The following AGBL4 variants were observed in gnomAD, a reference collection of about 807,000 sequenced individuals.
AGBL4 encodes the protein AGBL carboxypeptidase 4.
A neutral mutation model predicts 66.4 loss-of-function variants in AGBL4; 58 were observed. The ratio of observed to expected loss-of-function variants is 0.87; its 90% CI spans 0.71 to 1.09. The LOEUF (loss-of-function observed/expected upper bound fraction) is 1.09, where lower values mean the gene tolerates loss of function less well. Among genes scored for constraint, AGBL4 ranks in the 50% least tolerant of loss-of-function variants. The pLI, the probability that AGBL4 is intolerant of heterozygous loss-of-function variation, is 0.00. For missense variants in AGBL4, 579 were observed against 631.0 expected (o/e 0.92, Z 0.88); for synonymous variants, 234 against 222.9 (o/e 1.05, Z -0.44).
rs542315341 is a variant in AGBL4 at position 49,581,748 on chromosome 1, C to T, written c.282+115565G>A. 2.6e-5 allele frequency among the ~76,000 whole-genome samples: 4 copies of T among 152,192 alleles called. No individual in the cohort carries two copies. In the South Asian group the frequency reaches 8.3e-4, roughly 32 times the overall value. On this transcript the variant is annotated intron_variant, in intron 3 of 13. Transcript: ENST00000371839. ...GTGGTGATGAGCTATTCATGTTTGT[C>T]CTTGTGACCTGGAGCAGTATATGCT...
intron 6 of AGBL4, among the ~76,000 whole-genome samples, chr1:48,731,081 A>ATT (rs1204910464): frequency 6.6e-6 from 1 of 152,132 alleles, no homozygotes; most frequent in Non-Finnish European, 1.5e-5. Flanking sequence ...AGGCTTTTCT[A>ATT]TTTTTTTATA....
chr1:48,870,319 G>A (rs1270378478), intron 5 of AGBL4, among the ~76,000 whole-genome samples: 1 of 152,002 alleles, frequency 6.6e-6, no homozygotes, highest in African/African-American at 2.4e-5. Flanking sequence ...CTCACTAGGA[G>A]AAAGTATCAT....
intron 6 of AGBL4, among the ~76,000 whole-genome samples, chr1:48,663,680 A>G (rs1216641298): frequency 1.3e-5 from 2 of 152,228 alleles, no homozygotes; most frequent in African/African-American, 4.8e-5. Flanking sequence ...TACACATTGC[A>G]TAGTACACAG....
intron 6 of AGBL4, among the ~76,000 whole-genome samples, chr1:48,706,715 C>T (rs1333515623): frequency 6.6e-6 from 1 of 152,096 alleles, no homozygotes; most frequent in African/African-American, 2.4e-5. Context: ...GAGCTAACTC[C>T]ATAAATTTTT....
At chr1:49,550,626 G>A (rs1026632129) in intron 3 of AGBL4, among the ~76,000 whole-genome samples, 3 of 152,086 alleles carry the variant, frequency 2.0e-5, no homozygotes, top group Non-Finnish European at 4.4e-5. Context: ...CTGAAGATAG[G>A]GCCCCAATCC....
At chr1:48,720,533 A>G (rs1647128747) in intron 6 of AGBL4, among the ~76,000 whole-genome samples, 1 of 152,222 alleles carries the variant, frequency 6.6e-6, no homozygotes, top group South Asian at 2.1e-4. Context: ...ACTCAACCTC[A>G]TTAAGTCAGT....
chr1:49,939,001 A>G (rs1384907261), intron 1 of AGBL4, among the ~76,000 whole-genome samples: 2 of 152,108 alleles, frequency 1.3e-5, no homozygotes, highest in East Asian at 1.9e-4. Context: ...AACTTCAGCA[A>G]AGTCTCAGGA....
chr1:49,742,903 A>G (rs1650641893), intron 2 of AGBL4, among the ~76,000 whole-genome samples: 1 of 152,146 alleles, frequency 6.6e-6, no homozygotes, highest in African/African-American at 2.4e-5. Context: ...AAATTAATTC[A>G]AGATGATTAA....
intron 4 of AGBL4, among the ~76,000 whole-genome samples, chr1:49,202,306 C>T (rs1327112539): frequency 1.3e-5 from 2 of 151,968 alleles, no homozygotes; most frequent in Non-Finnish European, 2.9e-5. Flanking sequence ...ATCAAAGAAC[C>T]TCAAATGATC....
At chr1:49,603,929 TACACAC>T (rs60862640) in intron 3 of AGBL4, among the ~76,000 whole-genome samples, 21,680 of 140,386 alleles carry the variant, frequency 0.15, 1,799 homozygotes, top group East Asian at 0.24. Flanking sequence ...TTCCATGGTA[TACACAC>T]ACACACACAC....
At chr1:49,828,194 C>T (rs1225979319) in intron 2 of AGBL4, among the ~76,000 whole-genome samples, 1 of 151,928 alleles carries the variant, frequency 6.6e-6, no homozygotes, top group East Asian at 1.9e-4. Flanking sequence ...TTTCATTCAT[C>T]CATTTAACAA....
rs164825 is a variant in AGBL4, at chr1:49,288,457, G to T, written c.283-42593C>A. Among the ~76,000 whole-genome samples the T allele has an allele frequency of 4.2e-4, 64 of 152,164 alleles. No individual in the cohort carries two copies. The East Asian group carries it at 0.012, about 29-fold the overall frequency. On this transcript the variant is annotated intron_variant, in intron 3 of 13. Coordinates refer to ENST00000371839, the MANE Select transcript of AGBL4 (RefSeq NM_032785.4). ...TGCTGAATCTGGTGAATCTAAGCTT[G>T]GCAAAATAGGGATTGGTTTTCAGGG...
rs748329063 is a variant in AGBL4 at position 48,628,457 on chromosome 1, C to T, written c.951+6036G>A. Among the ~76,000 whole-genome samples the T allele has an allele frequency of 7.9e-5, 12 of 151,740 alleles. No individual in the cohort carries two copies. In the East Asian group the frequency reaches 1.5e-3, roughly 20 times the overall value. Reference sequence around the variant, plus strand: ...TCCTTGCTTTGATTTTTTTTTTAGTCGTGATATTTAATTCAGCTAAAAATC... The same window carrying T: ...TCCTTGCTTTGATTTTTTTTTTAGTTGTGATATTTAATTCAGCTAAAAATC... On this transcript the variant is annotated intron_variant, in intron 9 of 13. Transcript: ENST00000371839.
chr1:48,623,263 C>G (rs1417720785), intron 9 of AGBL4, among the ~76,000 whole-genome samples: 2 of 152,168 alleles, frequency 1.3e-5, no homozygotes, highest in African/African-American at 2.4e-5. Context: ...TAGTAGCCTT[C>G]AAGTGAAAGC....
At chr1:49,568,696 G>T (rs1644266979) in intron 3 of AGBL4, among the ~76,000 whole-genome samples, 1 of 151,982 alleles carries the variant, frequency 6.6e-6, no homozygotes. Flanking sequence ...GAGTCCAATA[G>T]CCAAGGCAAT....
At chr1:48,761,432 T>C in intron 6 of AGBL4, 1 of 1,551,510 alleles carries the variant, frequency 6.4e-7, no homozygotes, top group Non-Finnish European at 8.7e-7. Flanking sequence ...ATTTTTATTT[T>C]CTTCTGCATC....
At chr1:49,516,815 T>A (rs1309062484) in intron 3 of AGBL4, among the ~76,000 whole-genome samples, 1 of 152,074 alleles carries the variant, frequency 6.6e-6, no homozygotes, top group Non-Finnish European at 1.5e-5. Flanking sequence ...AAAAGTAATA[T>A]CCTTAGAAAT....
intron 7 of AGBL4, 43 bp from the exon 8 acceptor site, chr1:48,653,494 A>G (rs775468073): frequency 1.1e-5 from 15 of 1,402,376 alleles, no homozygotes; most frequent in Admixed American, 4.3e-5. Context: ...AAGCATTTCA[A>G]GAAGAAGGAA....
At chr1:49,996,981 G>A (rs1274088197) in intron 1 of AGBL4, among the ~76,000 whole-genome samples, 1 of 152,042 alleles carries the variant, frequency 6.6e-6, no homozygotes, top group African/African-American at 2.4e-5. Context: ...AAATGAAGGA[G>A]ATAGTCTTTT....
Sources: gnomAD v4.1 joint callset for allele counts (sites outside exome capture counted in the v4.1 genomes callset) on GRCh38, gnomAD v4.1.1 for gene constraint, MANE v1.5 for transcripts, NCBI Gene and HGNC (gene_info 2026-07-23, HGNC 2026-07-21) for gene names.